Variants in LINGO2 observed in about 807,000 individuals in gnomAD.
The protein encoded by LINGO2 is leucine rich repeat and Ig domain containing 2.
In LINGO2, 14 loss-of-function variants were observed where a neutral mutation model predicts 30.6. The observed-to-expected ratio is 0.46, with a 90% CI of 0.30 to 0.72. The LOEUF (loss-of-function observed/expected upper bound fraction) is 0.72. Ranked by LOEUF, LINGO2 falls within the 30% of genes least tolerant of loss-of-function variation. LINGO2 has a pLI of 0.07. For synonymous variants in LINGO2, 317 were observed against 288.5 expected, an observed-to-expected ratio of 1.10 and a Z score of -1.00; for missense variants, 729 against 751.7, an observed-to-expected ratio of 0.97 and a Z score of 0.35.
chr9:28,163,961 A>G (rs190927799), intron 4 of LINGO2, among the ~76,000 whole-genome samples: 1 of 152,360 alleles, frequency 6.6e-6, no homozygotes, highest in Admixed American at 6.5e-5. Context: ...CAAGATGTAA[A>G]TAAGTCACAG....
At chr9:28,028,164 T>A (rs1183223438) in intron 4 of LINGO2, among the ~76,000 whole-genome samples, 2 of 152,106 alleles carry the variant, frequency 1.3e-5, no homozygotes. Flanking sequence ...TTGACCGGTG[T>A]TTTAAGATAA....
chr9:28,022,840 C>G (rs1823198065), intron 4 of LINGO2, among the ~76,000 whole-genome samples: 1 of 149,870 alleles, frequency 6.7e-6, no homozygotes, highest in African/African-American at 2.4e-5. Flanking sequence ...TGAAATTGTC[C>G]TACAACTCTG....
chr9:28,135,293 T>C (rs1827487260), intron 4 of LINGO2, among the ~76,000 whole-genome samples: 1 of 151,158 alleles, frequency 6.6e-6, no homozygotes, highest in East Asian at 2.0e-4. Context: ...TGAAAGAAGA[T>C]GAAATGAAAG....
chr9:29,017,398 C>T, the LINGO2 span, among the ~76,000 whole-genome samples: 1 of 151,978 alleles, frequency 6.6e-6, no homozygotes, highest in Non-Finnish European at 1.5e-5. Context: ...AAGAGAAAAA[C>T]AATTTTCAAT....
rs1827322189 is a variant in LINGO2, at chr9:28,129,339, G to A, written c.-86-116934C>T. On this transcript the variant is annotated intron_variant, in intron 4 of 5. Transcript: ENST00000379992. This position sits in a 1 kb window ranked among gnomAD's most constrained non-coding sequence, Gnocchi z 4.0. ...ACCCTGACTAATACACCCATGTTTG[G>A]TTCTTGTTTTGTTGTGTAACTGTGT... 6.6e-6 allele frequency among the ~76,000 whole-genome samples: 1 copy of A among 152,128 alleles called. No individual in the cohort carries two copies. The highest frequency in any genetic ancestry group is 1.5e-5 in the Non-Finnish European group (1 of 68,032).
intron 1 of LINGO2, among the ~76,000 whole-genome samples, chr9:28,627,025 A>T (rs1563874313): frequency 1.3e-5 from 2 of 151,222 alleles, no homozygotes; most frequent in Non-Finnish European, 1.5e-5. Flanking sequence ...ATTTCTAGTA[A>T]TTTTTTTTAA....
chr9:28,256,607 A>T (rs922671409), intron 4 of LINGO2, among the ~76,000 whole-genome samples: 2 of 151,996 alleles, frequency 1.3e-5, no homozygotes, highest in Non-Finnish European at 2.9e-5. Context: ...CTGAGCAAAT[A>T]TGTAAAATAA....
At chr9:28,338,060 A>G (rs545133550) in intron 3 of LINGO2, among the ~76,000 whole-genome samples, 66 of 152,300 alleles carry the variant, frequency 4.3e-4, no homozygotes, top group African/African-American at 1.6e-3. Context: ...CAGAAACTCA[A>G]TGCCAGCCTA....
chr9:29,210,587 T>C, the LINGO2 span, among the ~76,000 whole-genome samples: 1 of 152,150 alleles, frequency 6.6e-6, no homozygotes, highest in Non-Finnish European at 1.5e-5. Context: ...TCATCCACTA[T>C]AATACATGAA....
the LINGO2 span, among the ~76,000 whole-genome samples, chr9:28,709,228 TTTTG>T: frequency 1.3e-5 from 2 of 151,454 alleles, no homozygotes; most frequent in East Asian, 3.9e-4. Context: ...AAGTGTTTTG[TTTTG>T]TTTTTTAACT....
intron 4 of LINGO2, among the ~76,000 whole-genome samples, chr9:28,120,386 A>C (rs1452333): frequency 0.22 from 32,930 of 152,112 alleles, 3,619 homozygotes; most frequent in African/African-American, 0.25. Context: ...TGAATGAAGG[A>C]GCTCCTGTGA....
chr9:28,537,646 A>T (rs1821493563), intron 1 of LINGO2, among the ~76,000 whole-genome samples: 1 of 152,068 alleles, frequency 6.6e-6, no homozygotes, highest in South Asian at 2.1e-4. Context: ...AGAACTCAGG[A>T]AAGTATCCAG....
chr9:28,668,722 T>C (rs1427359391), intron 1 of LINGO2, among the ~76,000 whole-genome samples: 1 of 152,124 alleles, frequency 6.6e-6, no homozygotes, highest in Non-Finnish European at 1.5e-5. Context: ...AAGAGTATTC[T>C]CAGATATATT....
intron 5 of LINGO2, among the ~76,000 whole-genome samples, chr9:27,966,714 G>A (rs914703305): frequency 2.6e-5 from 4 of 151,910 alleles, no homozygotes; most frequent in Non-Finnish European, 5.9e-5. Flanking sequence ...TTCAGCACAC[G>A]TATCCCAGAA....
chr9:29,212,521 C>T, the LINGO2 span, among the ~76,000 whole-genome samples: 1 of 152,128 alleles, frequency 6.6e-6, no homozygotes, highest in African/African-American at 2.4e-5. Flanking sequence ...GCTCACCTGC[C>T]ACCGCGTCCT....
chr9:28,195,529 T>C (rs1311213271), intron 4 of LINGO2, among the ~76,000 whole-genome samples: 2 of 150,334 alleles, frequency 1.3e-5, no homozygotes, highest in African/African-American at 4.9e-5. Context: ...ATAAATATCA[T>C]AATTATAATA....
chr9:28,171,444 C>A (rs748868413), intron 4 of LINGO2, among the ~76,000 whole-genome samples: 1 of 152,096 alleles, frequency 6.6e-6, no homozygotes, highest in Non-Finnish European at 1.5e-5. Flanking sequence ...TCCACAAGGT[C>A]CTTCATCAAT....
chr9:28,427,360 G>A (rs974638388), intron 2 of LINGO2, among the ~76,000 whole-genome samples: 3 of 151,956 alleles, frequency 2.0e-5, no homozygotes, highest in African/African-American at 4.8e-5. Context: ...ATGAAGGCCC[G>A]GTGTGTATGA....
chr9:28,563,941 G>C (rs993972359), intron 1 of LINGO2, among the ~76,000 whole-genome samples: 7 of 152,060 alleles, frequency 4.6e-5, no homozygotes, highest in Non-Finnish European at 8.8e-5. Flanking sequence ...TAGCATGCTA[G>C]CAAAGTCCCA....
Sources: allele counts gnomAD v4.1 joint callset (sites outside exome capture counted in the v4.1 genomes callset), GRCh38; gene constraint gnomAD v4.1.1; non-coding constraint Gnocchi (gnomAD v3.1); transcripts MANE v1.5; gene names NCBI Gene and HGNC (gene_info 2026-07-23, HGNC 2026-07-21).